PRPS1: variants seen among roughly 807,000 people sequenced by gnomAD.
PRPS1 encodes the protein ribose-phosphate pyrophosphokinase 1.
In PRPS1, 1 loss-of-function variant was observed where a neutral mutation model predicts 16.9. The ratio of observed to expected loss-of-function variants is 0.06; its 90% confidence interval spans 0.02 to 0.28. The LOEUF (loss-of-function observed/expected upper bound fraction) is 0.28, where lower values mean the gene tolerates loss of function less well. Ranked by LOEUF, PRPS1 falls within the 10% of genes least tolerant of loss-of-function variation. The pLI is 1.00. For missense variants in PRPS1, 47 were observed against 254.0 expected (o/e 0.19, Z 5.54); for synonymous variants, 70 against 90.2 (o/e 0.78, Z 1.27).
intron 6 of PRPS1, 26 bp from the exon 7 acceptor site, chrX:107,649,914 C>T: frequency 8.3e-7 from 1 of 1,211,567 alleles, no homozygotes; most frequent in Non-Finnish European, 1.1e-6. Context: ...ATGATAGTAA[C>T]CTGATTTCCT....
chrX:107,645,163 G>A lies in PRPS1; in HGVS notation c.531-14G>A, dbSNP rs755451906. The A allele has an allele frequency of 1.7e-5, 21 of 1,209,945 alleles. No individual in the cohort carries two copies. Among genetic ancestry groups the A allele is most frequent in the Admixed American group, 8.7e-5 (4 of 45,754 alleles). ...AGAAGCCACACATACATATGAACAC[G>A]CTCTGTTTTGCAGAGTGACCTCCAT... On this transcript the variant is annotated splice_polypyrimidine_tract_variant and intron_variant, in intron 4 of 6. Transcript: ENST00000372435.
chrX:107,643,707 G>A (rs941606235), intron 4 of PRPS1, among the ~76,000 whole-genome samples: 2 of 111,477 alleles, frequency 1.8e-5, no homozygotes, highest in African/African-American at 6.5e-5. Context: ...GTTGGCCTTT[G>A]AGTATGGTTG....
chrX:107,633,018 G>C (rs73522887), intron 1 of PRPS1, among the ~76,000 whole-genome samples: 8,465 of 111,492 alleles, frequency 0.076, 593 homozygotes, highest in African/African-American at 0.23. Context: ...TTTCATTTTT[G>C]TAAGATCTTT....
At chrX:107,639,227 A>G in intron 1 of PRPS1, 68 bp from the exon 2 acceptor site, 1 of 1,133,551 alleles carries the variant, frequency 8.8e-7, no homozygotes, top group Non-Finnish European at 1.2e-6. Flanking sequence ...TGTGGAACCT[A>G]TGGATATGGA....
Position 107,650,047 on chromosome X carries a change from A to G in PRPS1, c.*15A>G, listed in dbSNP as rs755539554. 2.5e-6 allele frequency: 3 copies of G among 1,211,553 alleles called. No individual in the cohort carries two copies. The highest frequency in any genetic ancestry group is 2.2e-6 in the Non-Finnish European group (2 of 895,409). On this transcript the variant is annotated 3_prime_UTR_variant, in exon 7 of 7. Transcript: ENST00000372435. ...TCCCTTTATAATAGAGTAACTTCTG[A>G]GGCTTTTTGAGAATAAAATCCACCC...
rs1269298366 is a variant in PRPS1 at position 107,647,872 on chromosome X, A to C, written c.864+107A>C. On this transcript the variant is annotated intron_variant, in intron 6 of 6. Transcript: ENST00000372435. ...CTGAAGATATCTTTCTTTGGTCTGA[A>C]GGATTTAGTCTTGTCATCAGAATTT... 4 of 900,376 alleles carry C rather than the reference A, an allele frequency of 4.4e-6. No individual in the cohort carries two copies. In the Admixed American group the frequency reaches 1.0e-4, roughly 22 times the overall value. The allele number at this position is 900,376 out of a possible 1,213,427, so 74.2% of individuals were successfully genotyped here.
intron 6 of PRPS1, among the ~76,000 whole-genome samples, chrX:107,648,549 G>A (rs1026759067): frequency 9.2e-6 from 1 of 108,314 alleles, no homozygotes; most frequent in Non-Finnish European, 1.9e-5. Flanking sequence ...CTCCCAAGTG[G>A]CTGGCGTGCA....
chrX:107,631,479 T>C (rs1925307505), intron 1 of PRPS1, among the ~76,000 whole-genome samples: 1 of 111,835 alleles, frequency 8.9e-6, no homozygotes, highest in Non-Finnish European at 1.9e-5. Flanking sequence ...ACATTTCCAG[T>C]TTTTGATCTA....
At chrX:107,633,421 C>CAAAA (rs1182721428) in intron 1 of PRPS1, among the ~76,000 whole-genome samples, 3 of 32,933 alleles carry the variant, frequency 9.1e-5, no homozygotes, top group African/African-American at 2.8e-4. Flanking sequence ...GACTCCATCT[C>CAAAA]AAAAAAAAAA....
At chrX:107,634,725 G>A (rs769136248) in intron 1 of PRPS1, among the ~76,000 whole-genome samples, 2 of 111,410 alleles carry the variant, frequency 1.8e-5, no homozygotes, top group African/African-American at 6.5e-5. Context: ...TAACAATTTT[G>A]TGGGTATTTT....
At position 107,650,832 on chromosome X, in the gene PRPS1, T is replaced by G; in HGVS notation, c.*800T>G. The G allele has an allele frequency of 3.4e-6, 1 of 290,127 alleles. No individual in the cohort carries two copies. Among genetic ancestry groups the G allele is most frequent in the Non-Finnish European group, 6.0e-6 (1 of 165,638 alleles). The allele number at this position is 290,127 out of a possible 1,213,427, so 23.9% of individuals were successfully genotyped here. On this transcript the variant is annotated 3_prime_UTR_variant, in exon 7 of 7. Coordinates refer to ENST00000372435, the MANE Select transcript of PRPS1 (RefSeq NM_002764.4). ...TTAGATGATGTGCTGTAGCTTGATCTTCCTTAGCCTACTGCCACTGAGGCA... is the reference window on the plus strand; with the variant it reads ...TTAGATGATGTGCTGTAGCTTGATCGTCCTTAGCCTACTGCCACTGAGGCA...
intron 5 of PRPS1, among the ~76,000 whole-genome samples, chrX:107,646,798 C>T (rs1326235328): frequency 8.9e-6 from 1 of 112,233 alleles, no homozygotes; most frequent in Non-Finnish European, 1.9e-5. Flanking sequence ...CAGAGGATCA[C>T]CCCTGGAAGA....
At chrX:107,633,353 C>T (rs1005539982) in intron 1 of PRPS1, among the ~76,000 whole-genome samples, 13 of 100,671 alleles carry the variant, frequency 1.3e-4, no homozygotes, top group Admixed American at 4.6e-4. Context: ...ACCCAGGAGG[C>T]GGAGCTTGCA....
At chrX:107,642,928 G>A (rs1250702732) in intron 4 of PRPS1, among the ~76,000 whole-genome samples, 5 of 112,384 alleles carry the variant, frequency 4.4e-5, no homozygotes. Context: ...AGGAAGGAAA[G>A]TAAAGTGTGA....
chrX:107,629,604 T>C (rs1925264405), intron 1 of PRPS1, among the ~76,000 whole-genome samples: 1 of 112,351 alleles, frequency 8.9e-6, no homozygotes, highest in African/African-American at 3.2e-5. Flanking sequence ...TATACCTGAA[T>C]GTTAAAGATA....
At chrX:107,637,906 C>G (rs983831175) in intron 1 of PRPS1, among the ~76,000 whole-genome samples, 1 of 106,161 alleles carries the variant, frequency 9.4e-6, no homozygotes, top group African/African-American at 3.4e-5. Context: ...ACCAAATCTG[C>G]AGATATGAAA....
chrX:107,633,367 A>C (rs1463002587), intron 1 of PRPS1, among the ~76,000 whole-genome samples: 1 of 102,215 alleles, frequency 9.8e-6, no homozygotes, highest in African/African-American at 3.7e-5. Context: ...GCTTGCAGTG[A>C]GCTGAGATCC....
At chrX:107,633,146 G>C (rs1170801771) in intron 1 of PRPS1, among the ~76,000 whole-genome samples, 5 of 111,208 alleles carry the variant, frequency 4.5e-5, no homozygotes, top group Non-Finnish European at 1.9e-5. Context: ...GTTTGAGCCG[G>C]GTGCGGTGGC....
intron 1 of PRPS1, among the ~76,000 whole-genome samples, chrX:107,632,684 C>A (rs1925333616): frequency 8.9e-6 from 1 of 112,377 alleles, no homozygotes; most frequent in Admixed American, 9.5e-5. Flanking sequence ...TAGGTTTTTC[C>A]ACTTAATAGA....
Sources: gnomAD v4.1 joint callset for allele counts (sites outside exome capture counted in the v4.1 genomes callset) on GRCh38, gnomAD v4.1.1 for gene constraint, MANE v1.5 for transcripts, NCBI Gene and HGNC (gene_info 2026-07-23, HGNC 2026-07-21) for gene names.